Variants in CAMK4 observed in about 807,000 individuals in gnomAD.
CAMK4 encodes the protein calcium/calmodulin-dependent protein kinase type IV.
In CAMK4, 22 loss-of-function variants were observed where a neutral mutation model predicts 44.9. The observed-to-expected ratio is 0.49, with a 90% CI of 0.35 to 0.70. CAMK4 has a LOEUF of 0.70. CAMK4 is among the 30% of genes least tolerant of loss of function. The pLI is 0.01. For missense variants in CAMK4, 498 were observed against 586.8 expected, an observed-to-expected ratio of 0.85 and a Z score of 1.56; for synonymous variants, 218 against 215.4, an observed-to-expected ratio of 1.01 and a Z score of -0.11.
chr5:111,280,583 T>C lies in CAMK4; in HGVS notation c.161+55939T>C, dbSNP rs146857247. On this transcript the variant is annotated intron_variant, in intron 1 of 10. Transcript: ENST00000282356. Reference sequence around the variant, plus strand: ...AGCACTCCAAAATTCTAAATACAGTTGTTTCTATAGGAAAGCCAACTGTTC... The same window carrying C: ...AGCACTCCAAAATTCTAAATACAGTCGTTTCTATAGGAAAGCCAACTGTTC... Among the ~76,000 whole-genome samples the C allele has an allele frequency of 3.3e-5, 5 of 152,302 alleles. No individual in the cohort carries two copies. In the East Asian group the frequency reaches 7.7e-4, roughly 23 times the overall value.
intron 7 of CAMK4, among the ~76,000 whole-genome samples, chr5:111,471,652 T>C (rs1257017557): frequency 6.6e-6 from 1 of 152,210 alleles, no homozygotes; most frequent in Non-Finnish European, 1.5e-5. Flanking sequence ...GACAAGTTAG[T>C]ACAAGTTTAT....
At chr5:111,226,837 G>T (rs535095193) in intron 1 of CAMK4, among the ~76,000 whole-genome samples, 9 of 152,302 alleles carry the variant, frequency 5.9e-5, no homozygotes, top group Admixed American at 2.0e-4. Flanking sequence ...TTTGAAGTAC[G>T]ATTTCTACTG....
intron 1 of CAMK4, among the ~76,000 whole-genome samples, chr5:111,298,880 A>G (rs1747603220): frequency 6.6e-6 from 1 of 152,358 alleles, no homozygotes; most frequent in South Asian, 2.1e-4. Context: ...TTGGCAGAAC[A>G]TAACAGCCCT....
chr5:111,325,227 T>C (rs1748831954), intron 1 of CAMK4, among the ~76,000 whole-genome samples: 1 of 152,048 alleles, frequency 6.6e-6, no homozygotes, highest in African/African-American at 2.4e-5. Flanking sequence ...TATATATTTA[T>C]ATATATGCCA....
intron 1 of CAMK4, among the ~76,000 whole-genome samples, chr5:111,319,523 C>G (rs1443582268): frequency 6.6e-6 from 1 of 152,014 alleles, no homozygotes; most frequent in Non-Finnish European, 1.5e-5. Flanking sequence ...GTTATATATT[C>G]CAGGCTGTGT....
chr5:111,292,337 T>C (rs773184713), intron 1 of CAMK4, among the ~76,000 whole-genome samples: 2 of 152,182 alleles, frequency 1.3e-5, no homozygotes, highest in Non-Finnish European at 2.9e-5. Flanking sequence ...AGCCACAGAT[T>C]GTTAAATAAA....
chr5:111,240,415 G>A (rs1748935113), intron 1 of CAMK4, among the ~76,000 whole-genome samples: 1 of 152,070 alleles, frequency 6.6e-6, no homozygotes, highest in African/African-American at 2.4e-5. Flanking sequence ...TTTAAATGAT[G>A]TTACTATTAG....
At chr5:111,291,026 A>T (rs971144227) in intron 1 of CAMK4, among the ~76,000 whole-genome samples, 9 of 152,244 alleles carry the variant, frequency 5.9e-5, no homozygotes, top group African/African-American at 2.2e-4. Flanking sequence ...GTGTATACAT[A>T]AGATTGACAA....
intron 1 of CAMK4, among the ~76,000 whole-genome samples, chr5:111,252,644 A>G (rs933094557): frequency 2.6e-5 from 4 of 152,212 alleles, no homozygotes; most frequent in African/African-American, 7.2e-5. Flanking sequence ...CTAACATAGT[A>G]ATAATAATAC....
intron 1 of CAMK4, among the ~76,000 whole-genome samples, chr5:111,308,348 C>T (rs1206777639): frequency 6.6e-6 from 1 of 151,936 alleles, no homozygotes; most frequent in Non-Finnish European, 1.5e-5. Flanking sequence ...TTTTCAAAAG[C>T]CTGGGGCTCA....
At chr5:111,251,812 A>G (rs1003546631) in intron 1 of CAMK4, among the ~76,000 whole-genome samples, 3 of 152,356 alleles carry the variant, frequency 2.0e-5, no homozygotes, top group African/African-American at 7.2e-5. Context: ...TACACAAGGT[A>G]CATTGAGGAA....
intron 5 of CAMK4, among the ~76,000 whole-genome samples, chr5:111,399,482 T>G (rs1317875454): frequency 6.6e-6 from 1 of 152,218 alleles, no homozygotes; most frequent in African/African-American, 2.4e-5. Flanking sequence ...GTTTATTATC[T>G]CTCCATAAAA....
rs151097092 is a variant in CAMK4 at position 111,324,764 on chromosome 5, C to T, written c.162-19260C>T. 1.9e-3 allele frequency among the ~76,000 whole-genome samples: 292 copies of T among 152,118 alleles called. 1 individual carries two copies. Among genetic ancestry groups the T allele is most frequent in the Non-Finnish European group, 3.4e-3 (231 of 67,970 alleles). On this transcript the variant is annotated intron_variant, in intron 1 of 10. Transcript: ENST00000282356. ...ATATTCCTTTTTGAGAACACATAAG[C>T]AGTTCTTCAAAATAGATCATATATT...
chr5:111,398,860 T>C (rs565668221), intron 5 of CAMK4, among the ~76,000 whole-genome samples: 22 of 152,226 alleles, frequency 1.4e-4, no homozygotes, highest in Non-Finnish European at 2.8e-4. Context: ...CAAATAATAA[T>C]CAACAGGTCC....
chr5:111,340,543 T>C (rs1426198885), intron 1 of CAMK4, among the ~76,000 whole-genome samples: 1 of 151,326 alleles, frequency 6.6e-6, no homozygotes, highest in Non-Finnish European at 1.5e-5. Context: ...TGTTTACTTT[T>C]TCATCCCAAG....
At chr5:111,371,026 A>G (rs73788895) in intron 2 of CAMK4, among the ~76,000 whole-genome samples, 4,949 of 152,256 alleles carry the variant, frequency 0.033, 282 homozygotes, top group African/African-American at 0.11. Flanking sequence ...CTCTTTTTCA[A>G]AGATCTCTCA....
intron 1 of CAMK4, among the ~76,000 whole-genome samples, chr5:111,227,425 C>A (rs887561824): frequency 6.6e-6 from 1 of 152,180 alleles, no homozygotes; most frequent in African/African-American, 2.4e-5. Context: ...TCTGGTGTTA[C>A]GTGTTGCTGT....
chr5:111,423,471 C>G (rs935068517), intron 5 of CAMK4, among the ~76,000 whole-genome samples: 1 of 152,160 alleles, frequency 6.6e-6, no homozygotes, highest in Non-Finnish European at 1.5e-5. Context: ...GTTGAACGTG[C>G]TATAGGTTCT....
intron 1 of CAMK4, among the ~76,000 whole-genome samples, chr5:111,321,951 G>T (rs528611877): frequency 1.1e-4 from 16 of 152,086 alleles, no homozygotes; most frequent in Admixed American, 9.8e-4. Flanking sequence ...TTTCCCTTCT[G>T]TAACAATCAT....
Sources: allele counts gnomAD v4.1 joint callset (sites outside exome capture counted in the v4.1 genomes callset), GRCh38; gene constraint gnomAD v4.1.1; transcripts MANE v1.5; gene names NCBI Gene and HGNC (gene_info 2026-07-23, HGNC 2026-07-21).